CCDC102B: variants seen among roughly 807,000 people sequenced by gnomAD.
CCDC102B encodes coiled-coil domain containing 102B.
A neutral mutation model predicts 57.4 loss-of-function variants in CCDC102B; 75 were observed. That is an observed-to-expected ratio of 1.31 (90% CI 1.08 to 1.58). The LOEUF (loss-of-function observed/expected upper bound fraction) is 1.58, where lower values mean the gene tolerates loss of function less well. CCDC102B is among the 40% of genes most tolerant of loss of function. The pLI, the probability that CCDC102B is intolerant of heterozygous loss-of-function variation, is 0.00. For synonymous variants in CCDC102B, 206 were observed against 201.9 expected (o/e 1.02, Z -0.17); for missense variants, 636 against 582.6 (o/e 1.09, Z -0.94).
intron 4 of CCDC102B, among the ~76,000 whole-genome samples, chr18:68,863,298 G>T (rs1333875427): frequency 6.6e-6 from 1 of 151,546 alleles, no homozygotes; most frequent in African/African-American, 2.4e-5. Context: ...CTGTAGTATT[G>T]TTTGCTATTT....
intron 2 of CCDC102B, among the ~76,000 whole-genome samples, chr18:68,720,886 A>G (rs1049139690): frequency 6.6e-6 from 1 of 152,110 alleles, no homozygotes; most frequent in African/African-American, 2.4e-5. Context: ...AGCCTGGGCA[A>G]ACTAGCGAGC....
chr18:68,979,605 A>G (rs763477760), intron 6 of CCDC102B, among the ~76,000 whole-genome samples: 4 of 152,022 alleles, frequency 2.6e-5, no homozygotes, highest in Non-Finnish European at 5.9e-5. Flanking sequence ...TAGGATAAAG[A>G]TAGGATAAAA....
At chr18:68,765,371 A>AAGAAAGAG (rs1315764596) in intron 2 of CCDC102B, among the ~76,000 whole-genome samples, 1 of 147,838 alleles carries the variant, frequency 6.8e-6, no homozygotes, top group Non-Finnish European at 1.5e-5. Flanking sequence ...GAAAGAAAGA[A>AAGAAAGAG]AGAAAGAAAA....
chr18:68,752,818 T>C (rs1248470577), intron 2 of CCDC102B, among the ~76,000 whole-genome samples: 1 of 152,166 alleles, frequency 6.6e-6, no homozygotes. Flanking sequence ...GTCTGTAGCT[T>C]TATCTTAATA....
intron 2 of CCDC102B, among the ~76,000 whole-genome samples, chr18:68,775,495 T>C (rs1029326112): frequency 6.6e-6 from 1 of 152,124 alleles, no homozygotes; most frequent in African/African-American, 2.4e-5. Flanking sequence ...TCCTCTTCTC[T>C]ATATTTCTTA....
intron 4 of CCDC102B, among the ~76,000 whole-genome samples, chr18:68,850,398 CT>C (rs1291891179): frequency 6.6e-6 from 1 of 152,046 alleles, no homozygotes; most frequent in East Asian, 1.9e-4. Context: ...CTCTTTCACT[CT>C]GTCCTATGTC....
At chr18:68,797,756 G>C (rs2035681389), upstream of CCDC102B, among the ~76,000 whole-genome samples, 2 of 108,314 alleles carry the variant, frequency 1.8e-5, no homozygotes, top group East Asian at 2.6e-4. Flanking sequence ...TACTTCCTGG[G>C]CTTTTTTTTT....
intron 2 of CCDC102B, among the ~76,000 whole-genome samples, chr18:68,725,618 T>C (rs1055781955): frequency 6.6e-6 from 1 of 152,232 alleles, no homozygotes; most frequent in Non-Finnish European, 1.5e-5. Context: ...GGCAAGTCTT[T>C]CTCCTGCTTC....
chr18:68,870,492 G>A (rs1179171073), intron 4 of CCDC102B, among the ~76,000 whole-genome samples: 2 of 152,102 alleles, frequency 1.3e-5, no homozygotes, highest in Non-Finnish European at 2.9e-5. Context: ...AGATACACGA[G>A]AGAAACAACT....
intron 2 of CCDC102B, among the ~76,000 whole-genome samples, chr18:68,752,043 C>T (rs1286469202): frequency 2.0e-5 from 3 of 152,028 alleles, no homozygotes; most frequent in Admixed American, 1.3e-4. Context: ...GGGCAGATCA[C>T]GAGGTCAGGA....
At chr18:68,857,428 A>C (rs534761795) in intron 4 of CCDC102B, among the ~76,000 whole-genome samples, 63 of 132,194 alleles carry the variant, frequency 4.8e-4, no homozygotes, top group African/African-American at 1.8e-3. Context: ...ATATATAAAC[A>C]CAAATCATTT....
chr18:68,754,240 A>G (rs1008343133), intron 2 of CCDC102B: 10 of 152,214 alleles, frequency 6.6e-5, no homozygotes, highest in Admixed American at 3.9e-4. Flanking sequence ...TGTCTTTTAA[A>G]ATCCCGTTTA....
chr18:69,021,558 C>G (rs962651373), intron 7 of CCDC102B, among the ~76,000 whole-genome samples: 1 of 152,114 alleles, frequency 6.6e-6, no homozygotes, highest in African/African-American at 2.4e-5. Context: ...AGCTTTTTAA[C>G]GTTGTGAGAG....
chr18:68,799,744 T>G (rs1363319749), intron 1 of CCDC102B, among the ~76,000 whole-genome samples: 1 of 152,198 alleles, frequency 6.6e-6, no homozygotes, highest in African/African-American at 2.4e-5. Context: ...TTTGAAGAAG[T>G]AATTGGCAAA....
intron 2 of CCDC102B, among the ~76,000 whole-genome samples, chr18:68,751,973 G>T (rs898779812): frequency 2.6e-5 from 4 of 152,034 alleles, no homozygotes; most frequent in Admixed American, 6.6e-5. Context: ...AGACAGAAAC[G>T]CATCAAGGTC....
At chr18:68,928,632 C>T (rs950554596) in intron 6 of CCDC102B, among the ~76,000 whole-genome samples, 1 of 151,786 alleles carries the variant, frequency 6.6e-6, no homozygotes, top group African/African-American at 2.4e-5. Context: ...AGAACCCATA[C>T]TGGAGTGGAA....
chr18:69,026,321 C>T (rs1363275831), intron 7 of CCDC102B, among the ~76,000 whole-genome samples: 2 of 151,826 alleles, frequency 1.3e-5, no homozygotes, highest in East Asian at 3.9e-4. Context: ...CAAAAATTAG[C>T]TGGCCTATGG....
chr18:68,760,586 A>C (rs934428876), intron 2 of CCDC102B, among the ~76,000 whole-genome samples: 2 of 152,134 alleles, frequency 1.3e-5, no homozygotes, highest in African/African-American at 4.8e-5. Flanking sequence ...ACTACACAGT[A>C]AGGTATAAGA....
At chr18:68,848,601 C>A (rs1257662700) in intron 4 of CCDC102B, among the ~76,000 whole-genome samples, 1 of 151,944 alleles carries the variant, frequency 6.6e-6, no homozygotes. Flanking sequence ...AAAATACAAC[C>A]AAGACAATGC....
Sources: allele counts gnomAD v4.1 joint callset (sites outside exome capture counted in the v4.1 genomes callset), GRCh38; gene constraint gnomAD v4.1.1; transcripts MANE v1.5; gene names NCBI Gene and HGNC (gene_info 2026-07-23, HGNC 2026-07-21).